Variants in NAA35 observed in about 807,000 individuals in gnomAD.
NAA35 encodes MAK10 homolog, amino-acid N-acetyltransferase subunit.
Under a neutral mutation model 101.7 loss-of-function variants are expected in NAA35, and 18 were observed. The ratio of observed to expected loss-of-function variants is 0.18; its 90% CI spans 0.12 to 0.26. The LOEUF is 0.26. NAA35 is among the 10% of genes least tolerant of loss of function. The pLI is 1.00. For missense variants in NAA35, 601 were observed against 886.8 expected, an observed-to-expected ratio of 0.68 and a Z score of 4.09; for synonymous variants, 267 against 273.1, an observed-to-expected ratio of 0.98 and a Z score of 0.22.
In NAA35 at chr9:86,022,607, T is replaced by C. The variant is rs965134125; in HGVS notation, c.*647T>C. Among the ~76,000 whole-genome samples, 2 of 152,220 alleles carry C rather than the reference T, an allele frequency of 1.3e-5. No individual in the cohort carries two copies. The highest frequency in any genetic ancestry group is 4.8e-5 in the African/African-American group (2 of 41,454). ...TAAAAGATTATACATTGTTTGCTGG[T>C]GACATGCAAAAAGGAGGCAGATAGA... On this transcript the variant is annotated 3_prime_UTR_variant, in exon 23 of 23. Coordinates refer to ENST00000361671, the MANE Select transcript of NAA35 (RefSeq NM_024635.4).
intron 11 of NAA35, among the ~76,000 whole-genome samples, chr9:85,981,185 T>C (rs1392027465): frequency 6.6e-6 from 1 of 152,126 alleles, no homozygotes; most frequent in Non-Finnish European, 1.5e-5. Context: ...ATAGGATGAG[T>C]GACTAGGTAG....
intron 13 of NAA35, among the ~76,000 whole-genome samples, chr9:86,005,446 T>C (rs2118353447): frequency 6.6e-6 from 1 of 152,336 alleles, no homozygotes; most frequent in South Asian, 2.1e-4. Flanking sequence ...AGATGCCCAC[T>C]TCGCTCTTAC....
chr9:85,981,028 T>C (rs1260315459), intron 11 of NAA35, among the ~76,000 whole-genome samples: 1 of 152,184 alleles, frequency 6.6e-6, no homozygotes, highest in East Asian at 1.9e-4. Flanking sequence ...TTTCTTTCCG[T>C]GCTAAAATGT....
intron 11 of NAA35, among the ~76,000 whole-genome samples, chr9:85,991,631 G>T (rs1315677908): frequency 1.3e-5 from 2 of 152,118 alleles, no homozygotes; most frequent in Non-Finnish European, 2.9e-5. Flanking sequence ...GATGGGGTGA[G>T]GAGAGCATCT....
chr9:86,011,050 C>T (rs1439325844), intron 15 of NAA35, among the ~76,000 whole-genome samples: 1 of 150,958 alleles, frequency 6.6e-6, no homozygotes, highest in Non-Finnish European at 1.5e-5. Flanking sequence ...CGAGACCAGC[C>T]TGACCAACGT....
At position 86,007,474 on chromosome 9, in the gene NAA35, G is replaced by T. The variant is rs746828429; in HGVS notation, c.1223+10G>T. On this transcript the variant is annotated intron_variant, in intron 14 of 22. Transcript: ENST00000361671. ...CGGTGCTTTCCCCCAAGTAAGTATT[G>T]TAAGACATTTTAGAGTTGTATGTAT... The T allele has an allele frequency of 6.2e-7, 1 of 1,607,036 alleles. No homozygotes were observed. The highest frequency in any genetic ancestry group is 8.5e-7 in the Non-Finnish European group (1 of 1,173,986).
At position 86,008,687 on chromosome 9, in the gene NAA35, A is replaced by T. The variant is rs918660540; in HGVS notation, c.1224-1178A>T. Among the ~76,000 whole-genome samples the T allele has an allele frequency of 5.3e-5, 8 of 152,350 alleles. No homozygotes were observed. In the South Asian group the frequency reaches 1.7e-3, roughly 32 times the overall value. ...AAATACCACAAATAATGATAATTGT[A>T]TATATGGAAAACTTTATTGTGTGGT... On this transcript the variant is annotated intron_variant, in intron 14 of 22. Coordinates refer to ENST00000361671, the MANE Select transcript of NAA35 (RefSeq NM_024635.4).
chr9:85,971,922 T>C (rs1187390648), intron 6 of NAA35, among the ~76,000 whole-genome samples: 3 of 152,062 alleles, frequency 2.0e-5, no homozygotes, highest in African/African-American at 4.8e-5. Flanking sequence ...CTTGGACTGT[T>C]GGATAGAGTC....
At chr9:85,999,599 C>A (rs942746360) in intron 12 of NAA35, among the ~76,000 whole-genome samples, 5 of 152,172 alleles carry the variant, frequency 3.3e-5, no homozygotes, top group African/African-American at 1.2e-4. Flanking sequence ...TTCCAGGTAC[C>A]TTAGGGGGAC....
intron 3 of NAA35, among the ~76,000 whole-genome samples, chr9:85,958,201 A>T (rs573791171): frequency 6.6e-6 from 1 of 152,236 alleles, no homozygotes; most frequent in East Asian, 1.9e-4. Context: ...TCAGCCTCCC[A>T]AAGTGCTGGG....
intron 2 of NAA35, among the ~76,000 whole-genome samples, chr9:85,942,621 C>T (rs745366948): frequency 2.6e-5 from 4 of 152,140 alleles, no homozygotes; most frequent in Non-Finnish European, 5.9e-5. Context: ...CAGATCACAT[C>T]ATTCCTTGTT....
At chr9:85,962,716 T>C (rs1165017422) in intron 6 of NAA35, among the ~76,000 whole-genome samples, 1 of 152,192 alleles carries the variant, frequency 6.6e-6, no homozygotes, top group East Asian at 1.9e-4. Flanking sequence ...CTTTCTGTAG[T>C]ACCATTCATT....
rs571493074 is a variant in NAA35, at chr9:86,013,377, G to A, written c.1389+233G>A. ...ATAATAGGAATAAATTATGAAATATGTATAAAATGATAGTTTTACAAGCTT... is the reference window on the plus strand; with the variant it reads ...ATAATAGGAATAAATTATGAAATATATATAAAATGATAGTTTTACAAGCTT... On this transcript the variant is annotated intron_variant, in intron 16 of 22. Coordinates refer to ENST00000361671, the MANE Select transcript of NAA35 (RefSeq NM_024635.4). Among the ~76,000 whole-genome samples, 10 of 152,168 alleles carry A rather than the reference G, an allele frequency of 6.6e-5. No individual in the cohort carries two copies. The South Asian group carries it at 2.1e-3, about 32-fold the overall frequency.
rs776016210 is a variant in NAA35, at chr9:86,018,710, C to T, written c.1926C>T (p.Asp642=). ...VHYLQFKEMS[D]LNKYSPPPQS... is the part of the protein sequence containing the mutation. ...CCCCTTCTTTTTAGGAAATGTCTGA[C>T]CTCAATAAATATAGCCCTCCTCCTC... Residue 642 remains aspartate, a synonymous_variant, in exon 21 of 23, where the codon GAC becomes GAT. Transcript: ENST00000361671. 2 of 1,613,270 alleles carry T rather than the reference C, an allele frequency of 1.2e-6. No homozygotes were observed. Among genetic ancestry groups the T allele is most frequent in the Non-Finnish European group, 1.7e-6 (2 of 1,179,764 alleles).
At chr9:85,984,590 A>G (rs939134024) in intron 11 of NAA35, among the ~76,000 whole-genome samples, 62 of 152,212 alleles carry the variant, frequency 4.1e-4, no homozygotes, top group Admixed American at 3.2e-3. Flanking sequence ...TTAGAAGTCA[A>G]TGAAGTGAAA....
At chr9:85,942,400 G>C (rs1828563813) in intron 2 of NAA35, 117 bp downstream of exon 2, 45 of 1,362,542 alleles carry the variant, frequency 3.3e-5, no homozygotes, top group Non-Finnish European at 4.4e-5. Flanking sequence ...TGTTGAGTTT[G>C]TTAGCCACAC....
intron 6 of NAA35, among the ~76,000 whole-genome samples, chr9:85,965,078 A>T (rs1323004693): frequency 6.6e-6 from 1 of 152,232 alleles, no homozygotes; most frequent in Non-Finnish European, 1.5e-5. Flanking sequence ...AGCAAGACTC[A>T]TACTTTTTTG....
rs1832683387 is a variant in NAA35 at position 86,024,162 on chromosome 9, T to C, written c.*2202T>C. Among the ~76,000 whole-genome samples the C allele has an allele frequency of 6.6e-6, 1 of 152,142 alleles. No homozygotes were observed. The highest frequency in any genetic ancestry group is 6.5e-5 in the Admixed American group (1 of 15,268). Reference sequence around the variant, plus strand: ...ACAGAAAAGCAACAGGTATTGAAAATGCAGTGAAGAATATGCTGTATGCTG... The same window carrying C: ...ACAGAAAAGCAACAGGTATTGAAAACGCAGTGAAGAATATGCTGTATGCTG... On this transcript the variant is annotated 3_prime_UTR_variant, in exon 23 of 23. Transcript: ENST00000361671.
At chr9:85,995,268 T>C (rs985577130) in intron 11 of NAA35, among the ~76,000 whole-genome samples, 1 of 150,662 alleles carries the variant, frequency 6.6e-6, no homozygotes. Context: ...TATTTTTAAT[T>C]TTTAAAATTT....
Sources: allele counts gnomAD v4.1 joint callset (sites outside exome capture counted in the v4.1 genomes callset), GRCh38; gene constraint gnomAD v4.1.1; transcripts MANE v1.5; gene names NCBI Gene and HGNC (gene_info 2026-07-23, HGNC 2026-07-21).